The following KIF20B variants were observed in gnomAD, a reference collection of about 807,000 sequenced individuals.
KIF20B encodes kinesin-like protein KIF20B.
Under a neutral mutation model 232.5 loss-of-function variants are expected in KIF20B, and 188 were observed. The observed-to-expected ratio is 0.81, with a 90% CI of 0.72 to 0.91. KIF20B has a LOEUF of 0.91. Ranked by LOEUF, KIF20B falls within the 40% of genes least tolerant of loss-of-function variation. The pLI is 0.00. For synonymous variants in KIF20B, 712 were observed against 683.0 expected (o/e 1.04, Z -0.66); for missense variants, 2,154 against 2,055.9 (o/e 1.05, Z -0.92).
At chr10:89,735,683 G>A (rs1178955106) in intron 19 of KIF20B, among the ~76,000 whole-genome samples, 1 of 151,446 alleles carries the variant, frequency 6.6e-6, no homozygotes, top group Non-Finnish European at 1.5e-5. Context: ...GATTACAGGC[G>A]CCCACCACCA....
At chr10:89,735,765 C>G (rs184803972) in intron 19 of KIF20B, among the ~76,000 whole-genome samples, 271 of 152,036 alleles carry the variant, frequency 1.8e-3, no homozygotes, top group African/African-American at 6.2e-3. Flanking sequence ...GTCTCGATCT[C>G]CTGACCTCGT....
rs185333551 is a variant in KIF20B, at chr10:89,763,203, C to A, written c.4989+368C>A. Among the ~76,000 whole-genome samples the A allele has an allele frequency of 3.2e-3, 484 of 152,242 alleles. 4 individuals are homozygous for A. The highest frequency in any genetic ancestry group is 0.011 in the African/African-American group (451 of 41,540). ...GGCTGAGGCAGGAGAACAACTTGAA[C>A]CCAGGAAGTGGAGGTTGCAATGAGA... On this transcript the variant is annotated intron_variant, in intron 29 of 32. Transcript: ENST00000371728.
chr10:89,742,595 T>C (rs1448929832), intron 21 of KIF20B, among the ~76,000 whole-genome samples: 1 of 152,142 alleles, frequency 6.6e-6, no homozygotes, highest in Non-Finnish European at 1.5e-5. Context: ...ATTATGAATA[T>C]GTGATTATCA....
chr10:89,755,486 TTTCCTTTCCTTC>T (rs891451926), intron 26 of KIF20B, among the ~76,000 whole-genome samples: 3 of 132,956 alleles, frequency 2.3e-5, no homozygotes, highest in Middle Eastern at 3.8e-3. Context: ...CCCTTTCCTT[TTTCCTTTCCTTC>T]TTCCTTTTCT....
rs765780636 is a variant in KIF20B, at chr10:89,718,750, C to T, written c.1312C>T (p.His438Tyr). 3 of 1,610,604 alleles carry T rather than the reference C, an allele frequency of 1.9e-6. No homozygotes were observed. Among genetic ancestry groups the T allele is most frequent in the African/African-American group, 1.3e-5 (1 of 74,672 alleles). The change falls in exon 12 of 33, where the codon CAC becomes TAC. Residue 438 changes from histidine to tyrosine, a missense_variant. Physicochemically the swap from His to Tyr is moderately conservative, Grantham distance 83. Coordinates refer to ENST00000371728, the MANE Select transcript of KIF20B (RefSeq NM_001284259.2). ...GCCTTTCCGGGAAAGTAAACTGACT[C>T]ACTATTTTCAAAGTTTTTTTAATGG... ...HVPFRESKLT[H>Y]YFQSFFNGKG...
In KIF20B at chr10:89,719,438, T is replaced by C; in HGVS notation, c.1454T>C (p.Leu485Ser). ...TAACAGGTTTGTGTCCCAGACACTT[T>C]AAATTCCTCTCAAGAGAAATTATTT... ...IAQKVCVPDT[L>S]NSSQEKLFGP... The change falls in exon 13 of 33, where the codon TTA (leucine) becomes TCA (serine). Residue 485 changes from leucine to serine, a missense_variant. Coordinates refer to ENST00000371728, the MANE Select transcript of KIF20B (RefSeq NM_001284259.2). The C allele has an allele frequency of 1.9e-6, 3 of 1,586,872 alleles. No individual in the cohort carries two copies. The highest frequency in any genetic ancestry group is 1.2e-5 in the South Asian group (1 of 86,558).
chr10:89,730,257 TTAA>T (rs1190676552), intron 18 of KIF20B, among the ~76,000 whole-genome samples: 2 of 152,192 alleles, frequency 1.3e-5, no homozygotes, highest in Non-Finnish European at 2.9e-5. Flanking sequence ...ATTTAATATG[TTAA>T]TAATAAACTA....
chr10:89,724,197 G>C, intron 14 of KIF20B, 94 bp downstream of exon 14: 1 of 1,208,842 alleles, frequency 8.3e-7, no homozygotes, highest in Non-Finnish European at 1.1e-6. Flanking sequence ...ATATTAGGTG[G>C]CTTCTGAATT....
chr10:89,765,347 C>G (rs1165237702), intron 29 of KIF20B, among the ~76,000 whole-genome samples: 1 of 152,106 alleles, frequency 6.6e-6, no homozygotes, highest in Non-Finnish European at 1.5e-5. Flanking sequence ...AGGACCTCTT[C>G]AAGAAGAACT....
intron 31 of KIF20B, 101 bp from the exon 32 acceptor site, chr10:89,772,588 A>G (rs1842486133): frequency 4.3e-6 from 3 of 693,102 alleles, no homozygotes; most frequent in African/African-American, 3.7e-5. Context: ...GTGTATGTTC[A>G]TTCTTTATTA....
At chr10:89,761,586 A>G (rs1377670511) in intron 28 of KIF20B, among the ~76,000 whole-genome samples, 3 of 152,208 alleles carry the variant, frequency 2.0e-5, no homozygotes, top group East Asian at 1.9e-4. Flanking sequence ...AGCTGGGACT[A>G]CAGGCATGTG....
At chr10:89,760,497 C>T (rs1037181390) in intron 27 of KIF20B, 29 bp from the exon 28 acceptor site, 75 of 1,313,954 alleles carry the variant, frequency 5.7e-5, no homozygotes, top group Non-Finnish European at 7.6e-5. Flanking sequence ...GTTACAATGC[C>T]CTGTTGCTTT....
intron 22 of KIF20B, among the ~76,000 whole-genome samples, chr10:89,745,161 C>G (rs1841882858): frequency 6.6e-6 from 1 of 152,070 alleles, no homozygotes; most frequent in Non-Finnish European, 1.5e-5. Flanking sequence ...CTTGTTTCTG[C>G]TTTTTGTGGT....
At chr10:89,717,956 C>T (rs1323839979) in intron 11 of KIF20B, among the ~76,000 whole-genome samples, 1 of 152,124 alleles carries the variant, frequency 6.6e-6, no homozygotes, top group Non-Finnish European at 1.5e-5. Context: ...CAAATCTATA[C>T]CAATAGACAC....
intron 25 of KIF20B, among the ~76,000 whole-genome samples, 190 bp from the exon 26 acceptor site, chr10:89,754,328 T>C (rs1429509218): frequency 6.6e-6 from 1 of 152,032 alleles, no homozygotes; most frequent in East Asian, 1.9e-4. Flanking sequence ...ATGAAATGCG[T>C]TTAGGAAAGC....
chr10:89,773,251 G>A (rs1226358639), intron 32 of KIF20B, among the ~76,000 whole-genome samples: 2 of 152,074 alleles, frequency 1.3e-5, no homozygotes, highest in Admixed American at 6.6e-5. Context: ...GGAAGAGACT[G>A]TAGTTATCAC....
At position 89,739,079 on chromosome 10, in the gene KIF20B, A is replaced by G. The variant is rs2133130082; in HGVS notation, c.3898A>G (p.Lys1300Glu). 1.2e-6 allele frequency: 2 copies of G among 1,612,664 alleles called. No individual in the cohort carries two copies. The highest frequency in any genetic ancestry group is 1.7e-6 in the Non-Finnish European group (2 of 1,179,388). Residue 1300 changes from lysine (K) to glutamate (E), a missense_variant, in exon 21 of 33, where the codon AAG becomes GAG. Physicochemically the swap from Lys to Glu is moderately conservative, Grantham distance 56. Transcript: ENST00000371728. ...ACTGACTGATGCCAAAAAGCAGATT[A>G]AGCAAGTACAGAAAGAGGTAGGTTA... ...EKLTDAKKQI[K>E]QVQKEVSVMR...
chr10:89,751,439 CTAAAT>C lies in KIF20B; in HGVS notation c.4193_4197del (p.Lys1398ArgfsTer4). 6.2e-7 allele frequency: 1 copy of C among 1,608,348 alleles called. No homozygotes were observed. Among genetic ancestry groups the C allele is most frequent in the African/African-American group, 1.3e-5 (1 of 74,824 alleles). ...GTAGAACAGGATCAAGTGCTTGAGG[CTAAAT>C]TAGAGGAAGTTGAAAGGCTGGCCAC... On this transcript the variant is annotated frameshift_variant, in exon 24 of 33. Transcript: ENST00000371728. LOFTEE classifies it high-confidence loss of function.
chr10:89,746,493 T>C (rs1841913944), intron 23 of KIF20B, among the ~76,000 whole-genome samples: 1 of 152,206 alleles, frequency 6.6e-6, no homozygotes, highest in South Asian at 2.1e-4. Flanking sequence ...TGCTGGTATC[T>C]GCTGGTGTGT....
Sources: gnomAD v4.1 joint callset for allele counts (sites outside exome capture counted in the v4.1 genomes callset) on GRCh38, gnomAD v4.1.1 for gene constraint, MANE v1.5 for transcripts, NCBI Gene and HGNC (gene_info 2026-07-23, HGNC 2026-07-21) for gene names.